INHBC: variants seen among roughly 807,000 people sequenced by gnomAD.
The protein encoded by INHBC is inhibin beta C chain.
Under a neutral mutation model 12.4 loss-of-function variants are expected in INHBC, and 10 were observed. That is an observed-to-expected ratio of 0.81 (90% CI 0.50 to 1.37). INHBC has a LOEUF of 1.37. INHBC is among the 40% of genes most tolerant of loss of function. The pLI is 0.00. For missense variants in INHBC, 382 were observed against 439.4 expected (o/e 0.87, Z 1.17); for synonymous variants, 147 against 171.6 (o/e 0.86, Z 1.12).
At chr12:57,437,614 T>A (rs1450127321) in intron 1 of INHBC, among the ~76,000 whole-genome samples, 1 of 142,572 alleles carries the variant, frequency 7.0e-6, no homozygotes, top group East Asian at 2.2e-4. Flanking sequence ...GAGCTAGCAG[T>A]GAGCCGAGAT....
At chr12:57,436,792 G>A (rs562313537) in intron 1 of INHBC, among the ~76,000 whole-genome samples, 2 of 151,620 alleles carry the variant, frequency 1.3e-5, no homozygotes, top group East Asian at 3.9e-4. Flanking sequence ...TCAGCCTCCC[G>A]AGTAGCTGGG....
Position 57,449,434 on chromosome 12 carries a change from A to C in INHBC, c.471A>C (p.Pro157=). The C allele has an allele frequency of 6.2e-7, 1 of 1,614,174 alleles. No individual in the cohort carries two copies. The highest frequency in any genetic ancestry group is 8.5e-7 in the Non-Finnish European group (1 of 1,180,038). The part of the protein sequence containing the change: ...TLKVRVLVLG[P]HNTNLTLATQ... Reference sequence around the variant, plus strand: ...AAGTGAGAGTCCTTGTGCTGGGTCCACATAATACCAACCTCACCTTGGCTA... The same window carrying C: ...AAGTGAGAGTCCTTGTGCTGGGTCCCCATAATACCAACCTCACCTTGGCTA... The change falls in exon 2 of 2, where the codon CCA becomes CCC. Residue 157 remains proline (P), a synonymous_variant. Transcript: ENST00000309668.
chr12:57,447,892 A>AAAAAATATCTATAT (rs1555325179), intron 1 of INHBC, among the ~76,000 whole-genome samples: 1 of 19,852 alleles, frequency 5.0e-5, no homozygotes, highest in Non-Finnish European at 1.1e-4. Flanking sequence ...AAAAAAAAAA[A>AAAAAATATCTATAT]ATATATATAT....
intron 1 of INHBC, 32 bp from the exon 2 acceptor site, chr12:57,449,245 G>C: frequency 6.3e-7 from 1 of 1,581,076 alleles, no homozygotes; most frequent in Non-Finnish European, 8.6e-7. Flanking sequence ...CAGTCAGAAG[G>C]CCGCAATGAC....
At chr12:57,437,628 G>A (rs1398288175) in intron 1 of INHBC, among the ~76,000 whole-genome samples, 14 of 140,380 alleles carry the variant, frequency 1.0e-4, no homozygotes, top group Non-Finnish European at 1.8e-4. Context: ...CCGAGATTGC[G>A]CCACTGCACT....
At chr12:57,441,354 CAAAA>C (rs1171735520) in intron 1 of INHBC, among the ~76,000 whole-genome samples, 1 of 33,924 alleles carries the variant, frequency 2.9e-5, no homozygotes, top group Admixed American at 4.6e-4. Flanking sequence ...AATTCCATCT[CAAAA>C]AAAAAAAAAA....
chr12:57,442,052 C>T (rs926828780), intron 1 of INHBC, among the ~76,000 whole-genome samples: 1 of 152,132 alleles, frequency 6.6e-6, no homozygotes, highest in Non-Finnish European at 1.5e-5. Context: ...TAGCTGAGGT[C>T]TCCCATGCAA....
rs1311464944 is a variant in INHBC, at chr12:57,449,357, G to A, written c.394G>A (p.Ala132Thr). The change falls in exon 2 of 2, where the codon GCC (alanine) becomes ACC (threonine). Residue 132 changes from alanine (A) to threonine (T), a missense_variant. By Grantham distance (58) the Ala-to-Thr change is moderately conservative. Coordinates refer to ENST00000309668, the MANE Select transcript of INHBC (RefSeq NM_005538.4). Reference protein sequence around the residue: ...RTAGDREVQQASLMFFVQLPS... With the variant: ...RTAGDREVQQTSLMFFVQLPS... ...TGCTGGTGACAGGGAGGTCCAGCAGGCCAGTCTCATGTTCTTTGTGCAGCT... is the reference window on the plus strand; with the variant it reads ...TGCTGGTGACAGGGAGGTCCAGCAGACCAGTCTCATGTTCTTTGTGCAGCT... 1 of 1,614,048 alleles carries A rather than the reference G, an allele frequency of 6.2e-7. No homozygotes were observed. Among genetic ancestry groups the A allele is most frequent in the Non-Finnish European group, 8.5e-7 (1 of 1,180,036 alleles).
intron 1 of INHBC, among the ~76,000 whole-genome samples, chr12:57,443,697 A>G (rs1227865399): frequency 2.6e-5 from 4 of 152,264 alleles, no homozygotes; most frequent in Non-Finnish European, 2.9e-5. Context: ...TTTTGAGACC[A>G]TGAATTTTAT....
intron 1 of INHBC, among the ~76,000 whole-genome samples, chr12:57,447,961 T>G (rs1377578348): frequency 7.1e-6 from 1 of 139,882 alleles, no homozygotes; most frequent in African/African-American, 2.6e-5. Context: ...TATATATGTA[T>G]GCATACATAT....
chr12:57,435,322 T>C, intron 1 of INHBC, 123 bp downstream of exon 1: 1 of 923,800 alleles, frequency 1.1e-6, no homozygotes, highest in Non-Finnish European at 1.6e-6. Context: ...TCCCACAGGC[T>C]ATAATCTCCT....
In INHBC at chr12:57,440,332, C is replaced by CTTT. The variant is rs34888207; in HGVS notation, c.313+5150_313+5152dup. Among the ~76,000 whole-genome samples, 639 of 117,410 alleles carry CTTT rather than the reference C, an allele frequency of 5.4e-3. 28 individuals carry two copies. The highest frequency in any genetic ancestry group is 0.012 in the South Asian group (42 of 3,492). The allele number at this position is 117,410 out of a possible 152,430, so 77.0% of individuals were successfully genotyped here. On this transcript the variant is annotated intron_variant, in intron 1 of 1. Transcript: ENST00000309668. ...ATTCTGTTTGAAAATTGAACAGTGC[C>CTTT]TTTTTTTTTTTTTTTTTTTGAGACG...
Position 57,450,167 on chromosome 12 carries a change from C to A in INHBC, c.*145C>A. On this transcript the variant is annotated 3_prime_UTR_variant, in exon 2 of 2. Transcript: ENST00000309668. ...GAGCATCTTATGGAAATTACCCCAC[C>A]TTTGACTTGAAGAAACCTTCATCTA... 2.3e-6 allele frequency: 2 copies of A among 873,558 alleles called. No homozygotes were observed. Among genetic ancestry groups the A allele is most frequent in the Non-Finnish European group, 3.2e-6 (2 of 619,214 alleles). 54.1% of individuals were successfully genotyped at this position (873,558 alleles called of 1,614,324 possible).
At chr12:57,446,878 T>C (rs1566551108) in intron 1 of INHBC, among the ~76,000 whole-genome samples, 3 of 152,078 alleles carry the variant, frequency 2.0e-5, no homozygotes, top group Admixed American at 6.6e-5. Flanking sequence ...GCCACTGTTA[T>C]AAAAGCCAAG....
rs869208182 is a variant in INHBC, at chr12:57,447,862, C to CAA, written c.314-1385_314-1384dup. ...GGGCAACAGGAACAAAACTCCGTCT[C>CAA]AAAAAAAAAAAAAAAAAAAAAAAAA... On this transcript the variant is annotated intron_variant, in intron 1 of 1. Transcript: ENST00000309668. Among the ~76,000 whole-genome samples, 26 of 5,242 alleles carry CAA rather than the reference C, an allele frequency of 5.0e-3. 7 individuals carry two copies. Among genetic ancestry groups the CAA allele is most frequent in the Middle Eastern group, 0.5 (2 of 4 alleles). 3.4% of individuals were successfully genotyped at this position (5,242 alleles called of 152,430 possible).
chr12:57,443,047 T>C (rs891663757), intron 1 of INHBC, among the ~76,000 whole-genome samples: 1 of 151,644 alleles, frequency 6.6e-6, no homozygotes, highest in Non-Finnish European at 1.5e-5. Flanking sequence ...TGAAGCCTAG[T>C]TGAACTTCAT....
chr12:57,440,580 C>T (rs1340112086), intron 1 of INHBC, among the ~76,000 whole-genome samples: 1 of 152,054 alleles, frequency 6.6e-6, no homozygotes, highest in Non-Finnish European at 1.5e-5. Context: ...ATCTGCCCGC[C>T]TCAGCCTCCC....
At chr12:57,443,603 TA>T (rs1032743969) in intron 1 of INHBC, among the ~76,000 whole-genome samples, 34 of 148,704 alleles carry the variant, frequency 2.3e-4, no homozygotes, top group Non-Finnish European at 2.7e-4. Context: ...ATTTTTCACT[TA>T]AAAAAAAAAA....
rs369608117 is a variant in INHBC at position 57,438,489 on chromosome 12, A to G, written c.313+3290A>G. Among the ~76,000 whole-genome samples the G allele has an allele frequency of 2.2e-3, 338 of 152,342 alleles. 7 individuals are homozygous for G. In the South Asian group the frequency reaches 0.037, roughly 17 times the overall value. On this transcript the variant is annotated intron_variant, in intron 1 of 1. Transcript: ENST00000309668. ...TGAGGGAATGTAACAGCCTCTCTCCATGAAGCCTCTTATCATTCAATAGTC... is the reference window on the plus strand; with the variant it reads ...TGAGGGAATGTAACAGCCTCTCTCCGTGAAGCCTCTTATCATTCAATAGTC...
Sources: allele counts gnomAD v4.1 joint callset (sites outside exome capture counted in the v4.1 genomes callset), GRCh38; gene constraint gnomAD v4.1.1; transcripts MANE v1.5; gene names NCBI Gene and HGNC (gene_info 2026-07-23, HGNC 2026-07-21).